The following IGSF21 variants were observed in gnomAD, a reference collection of about 807,000 sequenced individuals.
IGSF21 encodes immunoglobulin superfamily member 21.
Under a neutral mutation model 46.8 loss-of-function variants are expected in IGSF21, and 28 were observed. That is an observed-to-expected ratio of 0.60 (90% CI 0.44 to 0.82). The LOEUF is 0.82. IGSF21 is among the 40% of genes least tolerant of loss of function. IGSF21 has a pLI of 0.00. For synonymous variants in IGSF21, 284 were observed against 273.6 expected, an observed-to-expected ratio of 1.04 and a Z score of -0.38; for missense variants, 624 against 665.5, an observed-to-expected ratio of 0.94 and a Z score of 0.69.
intron 2 of IGSF21, among the ~76,000 whole-genome samples, chr1:18,253,521 A>C (rs1021522428): frequency 2.6e-5 from 4 of 152,228 alleles, no homozygotes; most frequent in African/African-American, 9.7e-5. Context: ...AGTCCCTGGG[A>C]TCCAGCATGG....
intron 2 of IGSF21, among the ~76,000 whole-genome samples, chr1:18,289,750 C>T (rs1041868015): frequency 5.9e-5 from 9 of 152,180 alleles, no homozygotes; most frequent in Non-Finnish European, 1.2e-4. Flanking sequence ...CCTACCAAAC[C>T]GCACCTCTCC....
At position 18,334,727 on chromosome 1, in the gene IGSF21, C is replaced by T. The variant is rs1481779301; in HGVS notation, c.306-165C>T. On this transcript the variant is annotated intron_variant, in intron 3 of 9. Coordinates refer to ENST00000251296, the MANE Select transcript of IGSF21 (RefSeq NM_032880.5). The surrounding 1 kb of genome is among the most constrained non-coding windows in gnomAD (Gnocchi z 4.3). ...TCTGAGATGCCGAGCACAGGGTCTGCATACAGTCGGTGTTCCATAAATGCT... is the reference window on the plus strand; with the variant it reads ...TCTGAGATGCCGAGCACAGGGTCTGTATACAGTCGGTGTTCCATAAATGCT... Among the ~76,000 whole-genome samples, 1 of 152,170 alleles carries T rather than the reference C, an allele frequency of 6.6e-6. No homozygotes were observed. Among genetic ancestry groups the T allele is most frequent in the African/African-American group, 2.4e-5 (1 of 41,454 alleles).
At chr1:18,189,803 C>T (rs558965597) in intron 1 of IGSF21, among the ~76,000 whole-genome samples, 25 of 152,286 alleles carry the variant, frequency 1.6e-4, no homozygotes, top group African/African-American at 6.0e-4. Flanking sequence ...GCCTGCCATT[C>T]GCTTACTGAT....
chr1:18,122,317 A>G (rs4920433), intron 1 of IGSF21, among the ~76,000 whole-genome samples: 27,785 of 149,036 alleles, frequency 0.19, 2,837 homozygotes, highest in Non-Finnish European at 0.23. Context: ...CAGCCTCACG[A>G]GTAGCTGGGA....
chr1:18,274,951 T>G (rs2085084801), intron 2 of IGSF21, among the ~76,000 whole-genome samples: 1 of 152,112 alleles, frequency 6.6e-6, no homozygotes, highest in Admixed American at 6.5e-5. Context: ...CGCTTGAGCC[T>G]GGGAGACAGA....
At chr1:18,136,327 C>T (rs2086367454) in intron 1 of IGSF21, among the ~76,000 whole-genome samples, 2 of 152,014 alleles carry the variant, frequency 1.3e-5, no homozygotes, top group Admixed American at 6.6e-5. Flanking sequence ...ACATGAAGTC[C>T]TTGCCCATGC....
intron 2 of IGSF21, among the ~76,000 whole-genome samples, chr1:18,275,345 C>T (rs1011376028): frequency 7.9e-5 from 12 of 152,112 alleles, no homozygotes; most frequent in Non-Finnish European, 1.5e-4. Context: ...AGACCAGCCT[C>T]GGATCTACTC....
At chr1:18,179,728 G>A (rs920909965) in intron 1 of IGSF21, among the ~76,000 whole-genome samples, 10 of 152,136 alleles carry the variant, frequency 6.6e-5, no homozygotes, top group African/African-American at 2.4e-4. Context: ...CCAGGGGATG[G>A]CAGAGCCACC....
chr1:18,292,118 G>C, intron 3 of IGSF21, 131 bp downstream of exon 3: 2 of 982,382 alleles, frequency 2.0e-6, no homozygotes, highest in Admixed American at 4.6e-5. Context: ...AGAACTGGGG[G>C]CTCCCCTTAT....
chr1:18,364,752 T>A (rs1360963440), intron 5 of IGSF21, among the ~76,000 whole-genome samples: 1 of 151,988 alleles, frequency 6.6e-6, no homozygotes, highest in African/African-American at 2.4e-5. Context: ...TCTTCCCTCA[T>A]CCTCTCCCAA....
intron 1 of IGSF21, among the ~76,000 whole-genome samples, chr1:18,207,964 GA>G (rs929729754): frequency 1.4e-4 from 22 of 151,760 alleles, no homozygotes; most frequent in African/African-American, 5.1e-4. Context: ...ACACTTGGAA[GA>G]AAAAAAACGG....
intron 6 of IGSF21, among the ~76,000 whole-genome samples, chr1:18,372,203 ATAGT>A (rs1223322355): frequency 6.6e-6 from 1 of 152,232 alleles, no homozygotes; most frequent in Non-Finnish European, 1.5e-5. Context: ...CAACTGTTTA[ATAGT>A]TAATTAATTA....
intron 2 of IGSF21, among the ~76,000 whole-genome samples, chr1:18,271,113 G>A (rs1197368663): frequency 2.6e-5 from 4 of 152,164 alleles, no homozygotes; most frequent in Non-Finnish European, 4.4e-5. Context: ...AGAGCTATGG[G>A]CAGAGGATTG....
At chr1:18,141,500 G>T (rs1010916503) in intron 1 of IGSF21, among the ~76,000 whole-genome samples, 1 of 152,116 alleles carries the variant, frequency 6.6e-6, no homozygotes, top group Non-Finnish European at 1.5e-5. Context: ...TAGGGCAGGG[G>T]GTTGGGGGAG....
At chr1:18,247,351 T>A in intron 2 of IGSF21, among the ~76,000 whole-genome samples, 1 of 152,130 alleles carries the variant, frequency 6.6e-6, no homozygotes, top group East Asian at 1.9e-4. Context: ...CCCTGGGCCA[T>A]CAACTCCTTC....
intron 4 of IGSF21, among the ~76,000 whole-genome samples, chr1:18,336,332 C>G (rs762579958): frequency 6.6e-6 from 1 of 152,162 alleles, no homozygotes; most frequent in Non-Finnish European, 1.5e-5. Context: ...CAGGGAAGGC[C>G]CCTCTGCAGC....
chr1:18,274,620 G>A (rs954275163), intron 2 of IGSF21, among the ~76,000 whole-genome samples: 1 of 152,214 alleles, frequency 6.6e-6, no homozygotes, highest in Non-Finnish European at 1.5e-5. Flanking sequence ...ACGCTGTGTA[G>A]CCTGCAAATC....
intron 2 of IGSF21, among the ~76,000 whole-genome samples, chr1:18,239,103 G>A (rs1347393466): frequency 6.6e-6 from 1 of 152,068 alleles, no homozygotes; most frequent in Non-Finnish European, 1.5e-5. Flanking sequence ...CCGAGCACAT[G>A]GAATCCGGAA....
intron 1 of IGSF21, among the ~76,000 whole-genome samples, chr1:18,169,844 G>C (rs1158200359): frequency 6.6e-6 from 1 of 152,162 alleles, no homozygotes; most frequent in Non-Finnish European, 1.5e-5. Context: ...TGTTGATGGG[G>C]GAGGCAGACA....
Sources: gnomAD v4.1 joint callset for allele counts (sites outside exome capture counted in the v4.1 genomes callset) on GRCh38, gnomAD v4.1.1 for gene constraint, Gnocchi (gnomAD v3.1) non-coding constraint, MANE v1.5 for transcripts, NCBI Gene and HGNC (gene_info 2026-07-23, HGNC 2026-07-21) for gene names.